CLDN14: variants seen among roughly 807,000 people sequenced by gnomAD.
CLDN14 encodes claudin 14, also known as claudin-14.
A neutral mutation model predicts 2.1 loss-of-function variants in CLDN14; 2 were observed. The ratio of observed to expected loss-of-function variants is 0.96; its 90% confidence interval spans 0.39 to 3.01. The LOEUF is 3.01. CLDN14 is among the 30% of genes most tolerant of loss of function. The pLI is 0.09. For missense variants in CLDN14, 298 were observed against 328.0 expected (o/e 0.91, Z 0.71); for synonymous variants, 136 against 154.4 (o/e 0.88, Z 0.88).
chr21:36,496,618 C>T (rs961441079), intron 2 of CLDN14, among the ~76,000 whole-genome samples: 6 of 142,292 alleles, frequency 4.2e-5, no homozygotes, highest in South Asian at 2.3e-4. Flanking sequence ...CCCCTGAGAG[C>T]GAATGCTTGC....
At position 36,492,709 on chromosome 21, in the gene CLDN14, G is replaced by A. The variant is rs112972217; in HGVS notation, c.-82+17654C>T. Among the ~76,000 whole-genome samples, 640 of 152,294 alleles carry A rather than the reference G, an allele frequency of 4.2e-3. 4 individuals carry two copies. Among genetic ancestry groups the A allele is most frequent in the African/African-American group, 0.014 (567 of 41,560 alleles). ...TGCTGTCCTTACAAAAAAAGGATAGGCATGGAAGAAGGAAGACAGCCACGT... is the reference window on the plus strand; with the variant it reads ...TGCTGTCCTTACAAAAAAAGGATAGACATGGAAGAAGGAAGACAGCCACGT... On this transcript the variant is annotated intron_variant, in intron 2 of 2. Transcript: ENST00000342108.
chr21:36,549,832 A>G (rs575299881), intron 1 of CLDN14, among the ~76,000 whole-genome samples: 27 of 152,238 alleles, frequency 1.8e-4, no homozygotes, highest in African/African-American at 6.0e-4. Flanking sequence ...CCTACTCGCA[A>G]TCGTCCCCTG....
At chr21:36,546,670 A>G (rs141832630) in intron 1 of CLDN14, among the ~76,000 whole-genome samples, 264 of 152,354 alleles carry the variant, frequency 1.7e-3, no homozygotes, top group African/African-American at 6.2e-3. Flanking sequence ...TTTCAAACAT[A>G]GGCAAGAAGA....
At position 36,465,086 on chromosome 21, in the gene CLDN14, G is replaced by A. The variant is rs141839603; in HGVS notation, c.-81-3310C>T. ...GACCTTCAGGGCTGAAACTAAGACA[G>A]TCCCAAGGAAACCAGGACCAGAGGC... On this transcript the variant is annotated intron_variant, in intron 1 of 1. Transcript: ENST00000399135. Among the ~76,000 whole-genome samples the A allele has an allele frequency of 2.6e-4, 40 of 152,280 alleles. No individual in the cohort carries two copies. The East Asian group carries it at 6.0e-3, about 23-fold the overall frequency.
intron 2 of CLDN14, among the ~76,000 whole-genome samples, chr21:36,488,562 G>A (rs1046204514): frequency 1.3e-5 from 2 of 149,720 alleles, no homozygotes; most frequent in African/African-American, 4.9e-5. Context: ...GAGCCACCGC[G>A]CCCGGCCTGT....
intron 1 of CLDN14, among the ~76,000 whole-genome samples, chr21:36,531,390 C>T (rs570201661): frequency 2.4e-4 from 36 of 151,686 alleles, no homozygotes; most frequent in African/African-American, 8.7e-4. Flanking sequence ...GTTCCAGCCT[C>T]CCAGGTAGCT....
intron 1 of CLDN14, among the ~76,000 whole-genome samples, chr21:36,514,620 AAAGTGTGTGTGTGT>A (rs1220187525): frequency 1.1e-3 from 11 of 10,014 alleles, no homozygotes; most frequent in African/African-American, 3.5e-3. Context: ...ATCGTGAGAG[AAAGTGTGTGTGTGT>A]GTGTGTGTGT....
At chr21:36,539,491 T>C (rs867880619) in intron 1 of CLDN14, among the ~76,000 whole-genome samples, 53 of 87,030 alleles carry the variant, frequency 6.1e-4, no homozygotes, top group Middle Eastern at 8.1e-3. Flanking sequence ...GGAATGTGTG[T>C]GTGTGCAGAG....
intron 1 of CLDN14, among the ~76,000 whole-genome samples, chr21:36,562,800 C>T (rs746991932): frequency 6.6e-6 from 1 of 151,882 alleles, no homozygotes; most frequent in Admixed American, 6.6e-5. Context: ...TCAGCACAGT[C>T]AAGCGGTGTA....
chr21:36,502,326 T>A (rs1347589291), intron 2 of CLDN14, among the ~76,000 whole-genome samples: 1 of 152,204 alleles, frequency 6.6e-6, no homozygotes, highest in Non-Finnish European at 1.5e-5. Context: ...GAAATACTAT[T>A]CTTATGCCTG....
rs1159575278 is a variant in CLDN14, at chr21:36,498,713, G to A, written c.-82+11650C>T. Among the ~76,000 whole-genome samples, 1 of 152,188 alleles carries A rather than the reference G, an allele frequency of 6.6e-6. No individual in the cohort carries two copies. Among genetic ancestry groups the A allele is most frequent in the Non-Finnish European group, 1.5e-5 (1 of 68,046 alleles). On this transcript the variant is annotated intron_variant, in intron 2 of 2. Coordinates refer to the CLDN14 transcript ENST00000342108. The surrounding 1 kb of genome is among the most constrained non-coding windows in gnomAD (Gnocchi z 4.9). Reference sequence around the variant, plus strand: ...AGACAGCAGCCTACAGAAAGGTGGGGGCACCTCTCAGCTGGCCTTCAGCTC... The same window carrying A: ...AGACAGCAGCCTACAGAAAGGTGGGAGCACCTCTCAGCTGGCCTTCAGCTC...
intron 1 of CLDN14, among the ~76,000 whole-genome samples, chr21:36,535,273 C>T (rs2087415235): frequency 6.6e-6 from 1 of 152,058 alleles, no homozygotes; most frequent in Non-Finnish European, 1.5e-5. Flanking sequence ...GCCTATAGTC[C>T]CATCTACTTG....
At chr21:36,573,380 A>G (rs975327538) in intron 1 of CLDN14, among the ~76,000 whole-genome samples, 1 of 152,124 alleles carries the variant, frequency 6.6e-6, no homozygotes, top group African/African-American at 2.4e-5. Context: ...CAAAAAGTAT[A>G]TAGAAAAGGG....
chr21:36,484,554 G>T (rs1191785308), upstream of CLDN14, among the ~76,000 whole-genome samples: 1 of 152,120 alleles, frequency 6.6e-6, no homozygotes, highest in African/African-American at 2.4e-5. Context: ...AGCTTCTGGT[G>T]GTGGCCAGCA....
chr21:36,535,721 G>GTCCCC (rs2087418706), intron 1 of CLDN14, among the ~76,000 whole-genome samples: 1 of 152,184 alleles, frequency 6.6e-6, no homozygotes, highest in African/African-American at 2.4e-5. Context: ...CAGGAGTGGT[G>GTCCCC]AGATCATGGG....
At chr21:36,461,826 A>G (rs1477468766) in intron 1 of CLDN14, 50 bp from the exon 2 acceptor site, 2 of 1,254,024 alleles carry the variant, frequency 1.6e-6, no homozygotes, top group Non-Finnish European at 2.2e-6. Context: ...AAATGGGTTA[A>G]AGATTATCTC....
rs139915915 is a variant in CLDN14 at position 36,562,647 on chromosome 21, C to T, written c.-220+13764G>A. Among the ~76,000 whole-genome samples, 28 of 151,290 alleles carry T rather than the reference C, an allele frequency of 1.9e-4. 1 individual carries two copies. Among genetic ancestry groups the T allele is most frequent in the African/African-American group, 5.1e-4 (21 of 41,248 alleles). On this transcript the variant is annotated intron_variant, in intron 1 of 2. Coordinates refer to the CLDN14 transcript ENST00000342108. The stretch of plus-strand genomic sequence containing the variant: ...ATTTTTAATAATCTCTAAAGAAATG[C>T]GTTCACCCTTATCTTTAAAATATTC...
rs543247525 is a variant in CLDN14, at chr21:36,515,198, G to A, written c.-219-4698C>T. Among the ~76,000 whole-genome samples the A allele has an allele frequency of 9.9e-5, 15 of 152,244 alleles. No homozygotes were observed. In the South Asian group the frequency reaches 1.2e-3, roughly 13 times the overall value. On this transcript the variant is annotated intron_variant, in intron 1 of 2. Coordinates refer to the CLDN14 transcript ENST00000342108. ...AACTATTACATGGCCCAGCAATTCC[G>A]CTGCTGGATACATGCCCAAAAGAGT...
At chr21:36,522,637 G>A (rs1280267428) in intron 1 of CLDN14, among the ~76,000 whole-genome samples, 2 of 152,374 alleles carry the variant, frequency 1.3e-5, no homozygotes, top group African/African-American at 2.4e-5. Context: ...CCGGAGAACA[G>A]CGCAAGAAGA....
Sources: allele counts gnomAD v4.1 joint callset (sites outside exome capture counted in the v4.1 genomes callset), GRCh38; gene constraint gnomAD v4.1.1; non-coding constraint Gnocchi (gnomAD v3.1); transcripts MANE v1.5; gene names NCBI Gene and HGNC (gene_info 2026-07-23, HGNC 2026-07-21).